Variants in PCCA observed in about 807,000 individuals in gnomAD.
PCCA encodes propionyl-CoA carboxylase subunit alpha.
PCCA carries 74 observed loss-of-function variants against 101.3 expected under a neutral mutation model. The observed-to-expected ratio is 0.73, with a 90% CI of 0.61 to 0.89. PCCA has a LOEUF of 0.89. Ranked by LOEUF, PCCA falls within the 40% of genes least tolerant of loss-of-function variation. PCCA has a pLI of 0.00. For synonymous variants in PCCA, 294 were observed against 313.6 expected (o/e 0.94, Z 0.66); for missense variants, 891 against 907.0 (o/e 0.98, Z 0.23).
At chr13:100,367,749 G>T (rs2075296167) in intron 18 of PCCA, among the ~76,000 whole-genome samples, 1 of 150,662 alleles carries the variant, frequency 6.6e-6, no homozygotes, top group African/African-American at 2.4e-5. Flanking sequence ...ATGAGGTCAG[G>T]AGTTCAAGAC....
At chr13:100,369,565 G>C (rs1350351822) in intron 19 of PCCA, among the ~76,000 whole-genome samples, 2 of 152,142 alleles carry the variant, frequency 1.3e-5, no homozygotes, top group Admixed American at 1.3e-4. Flanking sequence ...TGACATTCTT[G>C]TGTGGTGTCA....
intron 18 of PCCA, among the ~76,000 whole-genome samples, chr13:100,353,885 G>A (rs754732800): frequency 2.3e-4 from 35 of 151,792 alleles, no homozygotes; most frequent in South Asian, 8.3e-4. Context: ...CCCGGGAGGC[G>A]GAAGTTGCAG....
At chr13:100,481,563 T>TAAA (rs941659473) in intron 21 of PCCA, among the ~76,000 whole-genome samples, 10 of 151,634 alleles carry the variant, frequency 6.6e-5, no homozygotes, top group African/African-American at 2.2e-4. Context: ...GTCTCAAAAA[T>TAAA]AAAAAAGGAA....
chr13:100,201,715 G>A (rs2058504225), intron 6 of PCCA, among the ~76,000 whole-genome samples: 1 of 151,796 alleles, frequency 6.6e-6, no homozygotes, highest in African/African-American at 2.4e-5. Flanking sequence ...AAATTAGCTG[G>A]GCGTGGTGGT....
chr13:100,143,930 A>G (rs1239127194), intron 4 of PCCA, among the ~76,000 whole-genome samples: 1 of 151,170 alleles, frequency 6.6e-6, no homozygotes, highest in Non-Finnish European at 1.5e-5. Flanking sequence ...AATTAAGAGA[A>G]ATTTTTTTTT....
At chr13:100,422,237 A>T (rs1595848846) in intron 19 of PCCA, among the ~76,000 whole-genome samples, 1 of 150,636 alleles carries the variant, frequency 6.6e-6, no homozygotes, top group Non-Finnish European at 1.5e-5. Context: ...GGCTCAAGCA[A>T]TCTCCCCTGC....
intron 18 of PCCA, among the ~76,000 whole-genome samples, chr13:100,352,244 A>G (rs1340870679): frequency 1.3e-5 from 2 of 152,164 alleles, no homozygotes; most frequent in Non-Finnish European, 2.9e-5. Flanking sequence ...TAAAAATATG[A>G]TCAAACCATA....
chr13:100,253,482 A>C (rs1248669144), intron 8 of PCCA, among the ~76,000 whole-genome samples: 1 of 152,210 alleles, frequency 6.6e-6, no homozygotes, highest in Non-Finnish European at 1.5e-5. Context: ...GCTTTGTGGT[A>C]GAAAGTAAGA....
At chr13:100,500,299 G>A (rs532332772) in intron 21 of PCCA, among the ~76,000 whole-genome samples, 7 of 150,080 alleles carry the variant, frequency 4.7e-5, no homozygotes, top group East Asian at 1.9e-4. Context: ...GTGGTCTGGC[G>A]CTTATATTTT....
At chr13:100,105,168 T>C (rs926916045) in intron 2 of PCCA, among the ~76,000 whole-genome samples, 7 of 152,300 alleles carry the variant, frequency 4.6e-5, no homozygotes, top group African/African-American at 1.7e-4. Flanking sequence ...CCAGTGTATA[T>C]TTTATACCTC....
rs528757661 is a variant in PCCA at position 100,423,077 on chromosome 13, A to G, written c.1747-2556A>G. Among the ~76,000 whole-genome samples, 14 of 151,876 alleles carry G rather than the reference A, an allele frequency of 9.2e-5. No individual in the cohort carries two copies. The South Asian group carries it at 2.9e-3, about 32-fold the overall frequency. ...GTTTTCTGAGTGTTGTTTATGTTGA[A>G]ATAGGCCGGGAGGGTAGGTGAAGCA... On this transcript the variant is annotated intron_variant, in intron 19 of 23. Coordinates refer to ENST00000376285, the MANE Select transcript of PCCA (RefSeq NM_000282.4).
chr13:100,128,930 C>T (rs2050226442), intron 4 of PCCA, among the ~76,000 whole-genome samples: 1 of 152,052 alleles, frequency 6.6e-6, no homozygotes, highest in Admixed American at 6.5e-5. Flanking sequence ...CTACCCTTAC[C>T]CTGAAAGATG....
At chr13:100,116,927 A>G (rs774876570) in intron 4 of PCCA, among the ~76,000 whole-genome samples, 19 of 152,138 alleles carry the variant, frequency 1.2e-4, no homozygotes, top group Admixed American at 5.2e-4. Flanking sequence ...CTGTGCAAAA[A>G]CAGCCCTTGG....
intron 21 of PCCA, among the ~76,000 whole-genome samples, chr13:100,456,832 A>G (rs1475698722): frequency 6.6e-6 from 1 of 152,198 alleles, no homozygotes; most frequent in African/African-American, 2.4e-5. Context: ...GAAGCACAGC[A>G]TCACAGGGAG....
intron 18 of PCCA, among the ~76,000 whole-genome samples, chr13:100,348,787 T>TCTTCCTTCCTTCCTTCCTTC (rs142274622): frequency 4.3e-5 from 2 of 46,648 alleles, no homozygotes; most frequent in African/African-American, 1.4e-4. Context: ...TTTCTTTCTT[T>TCTTCCTTCCTTCCTTCCTTC]CTTCCTTCCT....
intron 18 of PCCA, among the ~76,000 whole-genome samples, chr13:100,361,299 A>G (rs1404581294): frequency 6.9e-5 from 1 of 14,538 alleles, no homozygotes; most frequent in East Asian, 6.5e-4. Context: ...TAACAGTAAC[A>G]TTGATATTGG....
At chr13:100,265,422 C>T (rs1256854118) in intron 10 of PCCA, among the ~76,000 whole-genome samples, 1 of 152,066 alleles carries the variant, frequency 6.6e-6, no homozygotes, top group African/African-American at 2.4e-5. Flanking sequence ...AACTATTTTG[C>T]TTTTATAATA....
At chr13:100,206,378 T>A (rs991777032) in intron 6 of PCCA, among the ~76,000 whole-genome samples, 4 of 152,124 alleles carry the variant, frequency 2.6e-5, no homozygotes, top group African/African-American at 9.7e-5. Context: ...GCAATTCTCC[T>A]GCCTCAACCT....
chr13:100,257,064 C>T (rs1280068931), intron 8 of PCCA, among the ~76,000 whole-genome samples: 2 of 152,114 alleles, frequency 1.3e-5, no homozygotes, highest in East Asian at 1.9e-4. Flanking sequence ...CTGCTCCAGC[C>T]CATAGCATCG....
Sources: allele counts gnomAD v4.1 joint callset (sites outside exome capture counted in the v4.1 genomes callset), GRCh38; gene constraint gnomAD v4.1.1; transcripts MANE v1.5; gene names NCBI Gene and HGNC (gene_info 2026-07-23, HGNC 2026-07-21).